PAM: variants seen among roughly 807,000 people sequenced by gnomAD.
PAM encodes peptidylglycine alpha-amidating monooxygenase.
In PAM, 72 loss-of-function variants were observed where a neutral mutation model predicts 122.1. That is an observed-to-expected ratio of 0.59 (90% confidence interval 0.49 to 0.72). The LOEUF is 0.72. PAM is among the 30% of genes least tolerant of loss of function. The pLI, the probability that PAM is intolerant of heterozygous loss-of-function variation, is 0.00. For synonymous variants in PAM, 389 were observed against 404.4 expected (o/e 0.96, Z 0.46); for missense variants, 1,106 against 1,183.7 (o/e 0.93, Z 0.96).
intron 1 of PAM, among the ~76,000 whole-genome samples, chr5:102,761,646 G>A (rs1752398386): frequency 6.6e-6 from 1 of 152,200 alleles, no homozygotes; most frequent in Admixed American, 6.5e-5. Context: ...TTGTAGTGCA[G>A]TAACATTTTA....
chr5:102,770,977 T>C (rs920121214), intron 1 of PAM, among the ~76,000 whole-genome samples: 11 of 152,058 alleles, frequency 7.2e-5, no homozygotes, highest in Non-Finnish European at 1.3e-4. Flanking sequence ...TGTTTTAAGG[T>C]GATAAGAGCT....
At chr5:102,831,926 C>T (rs773578848) in intron 1 of PAM, among the ~76,000 whole-genome samples, 2 of 151,784 alleles carry the variant, frequency 1.3e-5, no homozygotes, top group Non-Finnish European at 2.9e-5. Context: ...ACATGTACTA[C>T]ACCAGTCATT....
chr5:102,765,235 A>G (rs1190635233), intron 1 of PAM, among the ~76,000 whole-genome samples: 1 of 152,216 alleles, frequency 6.6e-6, no homozygotes, highest in Non-Finnish European at 1.5e-5. Context: ...AAGATTTGGC[A>G]CCAGTAGTTG....
At chr5:102,990,082 C>T in intron 15 of PAM, 190 bp from the exon 16 acceptor site, 1 of 366,560 alleles carries the variant, frequency 2.7e-6, no homozygotes, top group Non-Finnish European at 4.8e-6. Context: ...AGTTCCCAGT[C>T]ACTTCATCAC....
intron 11 of PAM, among the ~76,000 whole-genome samples, chr5:102,950,240 A>G (rs1272013081): frequency 6.6e-6 from 1 of 152,066 alleles, no homozygotes; most frequent in East Asian, 1.9e-4. Flanking sequence ...CAGCTCTTCT[A>G]TTATCACATT....
chr5:102,809,585 C>G (rs1258202912), intron 1 of PAM, among the ~76,000 whole-genome samples: 1 of 152,118 alleles, frequency 6.6e-6, no homozygotes, highest in Non-Finnish European at 1.5e-5. Context: ...TTTAGACTGT[C>G]CCTCCCTAGA....
chr5:102,881,800 G>A (rs1313954421), intron 3 of PAM, among the ~76,000 whole-genome samples: 1 of 150,886 alleles, frequency 6.6e-6, no homozygotes, highest in African/African-American at 2.4e-5. Flanking sequence ...CACCTGACCA[G>A]TGTACACTGT....
intron 1 of PAM, among the ~76,000 whole-genome samples, chr5:102,823,499 G>A (rs920632093): frequency 2.0e-5 from 3 of 152,132 alleles, no homozygotes; most frequent in African/African-American, 7.2e-5. Flanking sequence ...AATTAGACAT[G>A]AAAGACTGAA....
In PAM at chr5:102,866,430, T is replaced by A; in HGVS notation, c.89+146T>A. The A allele has an allele frequency of 6.3e-6, 4 of 636,340 alleles. No individual in the cohort carries two copies. The South Asian group carries it at 7.2e-5, about 12-fold the overall frequency. 39.4% of individuals were successfully genotyped at this position (636,340 alleles called of 1,614,324 possible). A position where few individuals can be genotyped will look rare whatever the true frequency, so the allele number is the denominator to read the frequency against. ...TTTACCACAGTAACTTCTTGTGAAG[T>A]CCCCCGTGCAGAAAAAGCCCACTGC... On this transcript the variant is annotated intron_variant, in intron 2 of 25. Coordinates refer to ENST00000438793, the MANE Select transcript of PAM (RefSeq NM_001177306.2).
chr5:103,023,018 CA>C (rs1212976100), intron 23 of PAM, among the ~76,000 whole-genome samples: 1 of 151,972 alleles, frequency 6.6e-6, no homozygotes, highest in Non-Finnish European at 1.5e-5. Flanking sequence ...CAGCCAGTTC[CA>C]AAAGTTGGAC....
chr5:102,793,768 T>C lies in PAM; in HGVS notation c.-374+38420T>C, dbSNP rs116714647. ...ATGCTTTAAGTAATTATAGCAAGTA[T>C]TTTATCCTAAGTTTATATACACAAT... On this transcript the variant is annotated intron_variant, in intron 1 of 25. Coordinates refer to ENST00000438793, the MANE Select transcript of PAM (RefSeq NM_001177306.2). Among the ~76,000 whole-genome samples the C allele has an allele frequency of 5.5e-3, 834 of 152,324 alleles. 11 individuals are homozygous for C. The highest frequency in any genetic ancestry group is 0.019 in the African/African-American group (784 of 41,564).
At chr5:102,809,565 G>A (rs1767305262) in intron 1 of PAM, among the ~76,000 whole-genome samples, 1 of 152,124 alleles carries the variant, frequency 6.6e-6, no homozygotes, top group Admixed American at 6.5e-5. Context: ...GCTGACAGGT[G>A]GGTAAATGGT....
At chr5:102,760,675 T>G (rs1262116387) in intron 1 of PAM, among the ~76,000 whole-genome samples, 2 of 152,178 alleles carry the variant, frequency 1.3e-5, no homozygotes, top group African/African-American at 2.4e-5. Flanking sequence ...GCTTCAAATT[T>G]TGTTTGTGTT....
At position 102,833,110 on chromosome 5, in the gene PAM, A is replaced by G. The variant is rs112758785; in HGVS notation, c.-373-32713A>G. 3.5e-3 allele frequency among the ~76,000 whole-genome samples: 538 copies of G among 152,286 alleles called. 5 individuals are homozygous for G. Among genetic ancestry groups the G allele is most frequent in the African/African-American group, 0.012 (498 of 41,582 alleles). On this transcript the variant is annotated intron_variant, in intron 1 of 25. Transcript: ENST00000438793. ...TAATATAACAACAAAATAGAAATAC[A>G]TAGGACAACTGAAAAGAGAGAAAAA...
At chr5:103,006,229 G>A (rs571039689) in intron 18 of PAM, among the ~76,000 whole-genome samples, 2 of 152,172 alleles carry the variant, frequency 1.3e-5, no homozygotes, top group East Asian at 1.9e-4. Context: ...TGGCCATCGT[G>A]TCTGGGCCTA....
At chr5:102,796,055 A>G (rs1195127707) in intron 1 of PAM, among the ~76,000 whole-genome samples, 1 of 152,150 alleles carries the variant, frequency 6.6e-6, no homozygotes, top group Non-Finnish European at 1.5e-5. Context: ...GCCTCAGCAA[A>G]AACTCCTGTG....
intron 1 of PAM, among the ~76,000 whole-genome samples, chr5:102,818,021 T>TC (rs1330001733): frequency 7.9e-6 from 1 of 126,740 alleles, no homozygotes; most frequent in Non-Finnish European, 1.7e-5. Flanking sequence ...ACTTTTTTTT[T>TC]CTCAAAAAAA....
chr5:102,866,431 C>T, intron 2 of PAM, 147 bp downstream of exon 2: 1 of 635,790 alleles, frequency 1.6e-6, no homozygotes, highest in Non-Finnish European at 2.9e-6. Context: ...CTTGTGAAGT[C>T]CCCCGTGCAG....
chr5:102,830,963 T>G (rs1332693585), intron 1 of PAM, among the ~76,000 whole-genome samples: 2 of 152,306 alleles, frequency 1.3e-5, no homozygotes, highest in South Asian at 2.1e-4. Context: ...ACCAGCTCTC[T>G]CAATTAATAG....
Sources: gnomAD v4.1 joint callset for allele counts (sites outside exome capture counted in the v4.1 genomes callset) on GRCh38, gnomAD v4.1.1 for gene constraint, MANE v1.5 for transcripts, NCBI Gene and HGNC (gene_info 2026-07-23, HGNC 2026-07-21) for gene names.